The following CHRM5 variants were observed in gnomAD, a reference collection of about 807,000 sequenced individuals.
The protein encoded by CHRM5 is muscarinic acetylcholine receptor M5.
CHRM5 carries 18 observed loss-of-function variants against 39.0 expected under a neutral mutation model. That is an observed-to-expected ratio of 0.46 (90% CI 0.32 to 0.68). The LOEUF (loss-of-function observed/expected upper bound fraction) is 0.68. Ranked by LOEUF, CHRM5 falls within the 30% of genes least tolerant of loss-of-function variation. The pLI is 0.04. For missense variants in CHRM5, 515 were observed against 651.1 expected (o/e 0.79, Z 2.28); for synonymous variants, 241 against 246.3 (o/e 0.98, Z 0.20).
Position 34,000,479 on chromosome 15 carries a change from G to A in CHRM5, c.-408+31329G>A, listed in dbSNP as rs150514592. ...CACCAGGAACTCTCTCATCTTTACC[G>A]TGGAAAGCAATTTGGCAATATCTAG... is the stretch of plus-strand genomic sequence containing the variant. On this transcript the variant is annotated intron_variant, in intron 1 of 2. Coordinates refer to ENST00000383263, the MANE Select transcript of CHRM5 (RefSeq NM_012125.4). 1.9e-4 allele frequency among the ~76,000 whole-genome samples: 29 copies of A among 152,242 alleles called. No homozygotes were observed. The East Asian group carries it at 2.7e-3, about 14-fold the overall frequency.
chr15:34,017,629 G>A (rs1207354007), intron 1 of CHRM5, among the ~76,000 whole-genome samples: 1 of 151,858 alleles, frequency 6.6e-6, no homozygotes, highest in African/African-American at 2.4e-5. Context: ...ACAGGTGCAT[G>A]CCACCACACC....
intron 1 of CHRM5, among the ~76,000 whole-genome samples, chr15:33,994,498 A>C (rs1436368165): frequency 6.6e-6 from 1 of 152,196 alleles, no homozygotes; most frequent in African/African-American, 2.4e-5. Context: ...ATCATCCTGA[A>C]ACCGTCATCC....
chr15:33,984,479 T>C (rs6495423), intron 1 of CHRM5, among the ~76,000 whole-genome samples: 65,569 of 151,362 alleles, frequency 0.43, 14,936 homozygotes, highest in African/African-American at 0.56. Flanking sequence ...CTCGGCTCAC[T>C]GCAACCTCCA....
At chr15:34,031,839 C>T (rs1223424886) in intron 1 of CHRM5, among the ~76,000 whole-genome samples, 1 of 152,170 alleles carries the variant, frequency 6.6e-6, no homozygotes, top group Non-Finnish European at 1.5e-5. Flanking sequence ...TATTTCTTTT[C>T]AGCATCCTCT....
chr15:34,015,379 G>A (rs529996794), intron 1 of CHRM5, among the ~76,000 whole-genome samples: 74 of 152,224 alleles, frequency 4.9e-4, no homozygotes, highest in South Asian at 1.5e-3. Flanking sequence ...CTACTCGGGA[G>A]GCTGAGGCAG....
chr15:34,062,321 C>A (rs186514632), intron 2 of CHRM5, among the ~76,000 whole-genome samples: 3 of 152,128 alleles, frequency 2.0e-5, no homozygotes, highest in African/African-American at 7.2e-5. Context: ...TTTGGGAGGC[C>A]GAGGCGGGTG....
intron 1 of CHRM5, among the ~76,000 whole-genome samples, chr15:34,041,647 T>C (rs967049715): frequency 6.6e-6 from 1 of 152,190 alleles, no homozygotes; most frequent in African/African-American, 2.4e-5. Flanking sequence ...AGAGAGAGAT[T>C]GGTTTGTGGA....
intron 1 of CHRM5, among the ~76,000 whole-genome samples, chr15:34,013,848 C>G (rs1034999755): frequency 6.6e-6 from 1 of 152,044 alleles, no homozygotes; most frequent in African/African-American, 2.4e-5. Flanking sequence ...GACCCATGAG[C>G]GAGAAACAGT....
At position 34,062,728 on chromosome 15, in the gene CHRM5, A is replaced by G. The variant is rs1900384766; in HGVS notation, c.11A>G (p.Asp4Gly). MEGDSYHNATTVNG... is the reference protein window; with the variant it reads MEGGSYHNATTVNG... ...AATTTTTGCACCAGGATGGAAGGGG[A>G]TTCTTACCACAATGCAACCACCGTC... is the stretch of plus-strand genomic sequence containing the variant. Residue 4 changes from aspartate to glycine, a missense_variant, in exon 3 of 3, where the codon GAT (aspartate) becomes GGT (glycine). Transcript: ENST00000383263. The G allele has an allele frequency of 6.2e-7, 1 of 1,609,154 alleles. No individual in the cohort carries two copies. The highest frequency in any genetic ancestry group is 8.5e-7 in the Non-Finnish European group (1 of 1,176,902).
intron 1 of CHRM5, chr15:34,003,026 T>A (rs767076170): frequency 6.2e-7 from 1 of 1,607,438 alleles, no homozygotes; most frequent in Non-Finnish European, 8.5e-7. Flanking sequence ...CAACTGGAAT[T>A]CATACCTGCA....
chr15:34,040,552 A>T (rs1899428278), intron 1 of CHRM5, among the ~76,000 whole-genome samples: 1 of 152,220 alleles, frequency 6.6e-6, no homozygotes, highest in South Asian at 2.1e-4. Context: ...TTTGGGACTA[A>T]TAGCTGGCCT....
At chr15:34,008,634 G>A (rs1002405663) in intron 1 of CHRM5, among the ~76,000 whole-genome samples, 1 of 148,230 alleles carries the variant, frequency 6.7e-6, no homozygotes, top group Non-Finnish European at 1.5e-5. Flanking sequence ...GACCACAGGC[G>A]TGTGCCACCA....
chr15:34,033,814 A>C (rs918150992), intron 1 of CHRM5, among the ~76,000 whole-genome samples: 17 of 152,248 alleles, frequency 1.1e-4, no homozygotes, highest in Non-Finnish European at 2.2e-4. Context: ...TTTGAGATGG[A>C]GTCTCATTCT....
chr15:33,982,808 C>T (rs1896213161), intron 1 of CHRM5, among the ~76,000 whole-genome samples: 1 of 152,000 alleles, frequency 6.6e-6, no homozygotes, highest in Non-Finnish European at 1.5e-5. Context: ...TTCTCTCTCT[C>T]TCTCTGGACC....
In CHRM5 at chr15:34,063,313, T is replaced by C. The variant is rs1049755751; in HGVS notation, c.596T>C (p.Ile199Thr). 4.3e-6 allele frequency: 7 copies of C among 1,614,076 alleles called. No homozygotes were observed. The highest frequency in any genetic ancestry group is 1.1e-5 in the South Asian group (1 of 91,082). ...CCCACCATCACTTTTGGCACTGCCA[T>C]TGCTGCCTTCTACATCCCTGTTTCT... ...SEPTITFGTA[I>T]AAFYIPVSVM... Residue 199 changes from isoleucine to threonine, a missense_variant, in exon 3 of 3, where the codon ATT (isoleucine) becomes ACT (threonine). Ile to Thr is a moderately conservative substitution (Grantham distance 89). Transcript: ENST00000383263. The surrounding 1 kb of genome is among the most constrained non-coding windows in gnomAD (Gnocchi z 4.1).
intron 1 of CHRM5, among the ~76,000 whole-genome samples, chr15:34,020,246 G>C (rs1028893948): frequency 2.6e-5 from 4 of 151,850 alleles, no homozygotes; most frequent in African/African-American, 7.3e-5. Flanking sequence ...GGGAGGCGGA[G>C]CTTGCAGTTA....
chr15:34,004,443 A>G (rs1174083185), intron 1 of CHRM5, among the ~76,000 whole-genome samples: 1 of 152,230 alleles, frequency 6.6e-6, no homozygotes, highest in Admixed American at 6.5e-5. Flanking sequence ...AATCAGTTGT[A>G]ATGTAGGGAA....
intron 1 of CHRM5, among the ~76,000 whole-genome samples, chr15:33,985,665 C>T (rs996274612): frequency 6.6e-6 from 1 of 152,052 alleles, no homozygotes; most frequent in Admixed American, 6.5e-5. Context: ...TCTGTACCCT[C>T]AGCACCTGAC....
rs60119659 is a variant in CHRM5 at position 34,017,484 on chromosome 15, G to GTTTTTT, written c.-407-29045_-407-29040dup. On this transcript the variant is annotated intron_variant, in intron 1 of 2. Transcript: ENST00000383263. ...GTGATTTCAGTATGATTTTTTTTTT[G>GTTTTTT]TTTTTTTTTTTTTTTTGAGACAGGG... Among the ~76,000 whole-genome samples, 25 of 107,362 alleles carry GTTTTTT rather than the reference G, an allele frequency of 2.3e-4. 2 individuals carry two copies. Among genetic ancestry groups the GTTTTTT allele is most frequent in the African/African-American group, 5.7e-4 (18 of 31,710 alleles). The allele number at this position is 107,362 out of a possible 152,430, so 70.4% of individuals were successfully genotyped here. A position where few individuals can be genotyped will look rare whatever the true frequency, so the allele number is the denominator to read the frequency against.
Sources: gnomAD v4.1 joint callset for allele counts (sites outside exome capture counted in the v4.1 genomes callset) on GRCh38, gnomAD v4.1.1 for gene constraint, Gnocchi (gnomAD v3.1) non-coding constraint, MANE v1.5 for transcripts, NCBI Gene and HGNC (gene_info 2026-07-23, HGNC 2026-07-21) for gene names.